NRXN3: variants seen among roughly 807,000 people sequenced by gnomAD.
The protein encoded by NRXN3 is neurexin 3, also known as neurexin III.
A neutral mutation model predicts 137.6 loss-of-function variants in NRXN3; 32 were observed. That is an observed-to-expected ratio of 0.23 (90% confidence interval 0.18 to 0.31). NRXN3 has a LOEUF of 0.31. NRXN3 is among the 10% of genes least tolerant of loss of function. NRXN3 has a pLI of 1.00. For synonymous variants in NRXN3, 798 were observed against 784.5 expected, an observed-to-expected ratio of 1.02 and a Z score of -0.29; for missense variants, 1,574 against 2,062.5, an observed-to-expected ratio of 0.76 and a Z score of 4.59.
At chr14:79,419,188 A>C (rs2095540398) in intron 15 of NRXN3, among the ~76,000 whole-genome samples, 1 of 152,212 alleles carries the variant, frequency 6.6e-6, no homozygotes. Flanking sequence ...AAGTTCTTTC[A>C]TTGAGATAAA....
At chr14:78,822,133 T>C (rs1241286917) in intron 10 of NRXN3, among the ~76,000 whole-genome samples, 3 of 152,162 alleles carry the variant, frequency 2.0e-5, no homozygotes, top group Non-Finnish European at 4.4e-5. Flanking sequence ...TTCTCCTTTG[T>C]CACAGCAAAA....
intron 4 of NRXN3, among the ~76,000 whole-genome samples, chr14:78,631,078 G>A (rs1462753778): frequency 6.6e-6 from 1 of 152,124 alleles, no homozygotes; most frequent in African/African-American, 2.4e-5. Flanking sequence ...ATTATAGTTG[G>A]TGTGGTCAAC....
chr14:79,114,563 G>A (rs1408783513), intron 15 of NRXN3, among the ~76,000 whole-genome samples: 2 of 152,064 alleles, frequency 1.3e-5, no homozygotes, highest in Non-Finnish European at 2.9e-5. Flanking sequence ...ACTATATTAG[G>A]TTTTGTGTAT....
At chr14:79,129,980 A>G (rs1568375080) in intron 15 of NRXN3, among the ~76,000 whole-genome samples, 7 of 151,334 alleles carry the variant, frequency 4.6e-5, no homozygotes, top group African/African-American at 2.4e-5. Context: ...AGTCTGTTTT[A>G]TCAGAGACTA....
chr14:78,244,887 G>C (rs906270856), intron 2 of NRXN3, among the ~76,000 whole-genome samples: 3 of 152,210 alleles, frequency 2.0e-5, no homozygotes, highest in South Asian at 4.1e-4. Context: ...GGGAGAAGCA[G>C]GGAGGCACAG....
intron 4 of NRXN3, among the ~76,000 whole-genome samples, chr14:78,346,062 T>C (rs1005240134): frequency 6.6e-6 from 1 of 152,154 alleles, no homozygotes; most frequent in Admixed American, 6.5e-5. Context: ...GGAAAGGCCA[T>C]GGGTGCTGGC....
intron 15 of NRXN3, among the ~76,000 whole-genome samples, chr14:79,112,481 CTT>C (rs747050013): frequency 2.2e-4 from 34 of 152,158 alleles, no homozygotes; most frequent in Non-Finnish European, 4.7e-4. Flanking sequence ...TGGCAGAGTT[CTT>C]TGTTATGTGT....
chr14:78,823,057 A>G (rs567944813), intron 10 of NRXN3, among the ~76,000 whole-genome samples: 19 of 152,298 alleles, frequency 1.2e-4, no homozygotes, highest in African/African-American at 4.6e-4. Context: ...GGCATTGTCT[A>G]TTTCAGTGAC....
intron 15 of NRXN3, among the ~76,000 whole-genome samples, chr14:79,317,239 G>GA (rs533698477): frequency 2.5e-3 from 370 of 150,700 alleles, no homozygotes; most frequent in Non-Finnish European, 4.0e-3. Context: ...TCTCAAAAAA[G>GA]AAAAAAAAAG....
intron 4 of NRXN3, among the ~76,000 whole-genome samples, chr14:78,534,332 A>T (rs2096508874): frequency 6.6e-6 from 1 of 152,220 alleles, no homozygotes; most frequent in Admixed American, 6.5e-5. Flanking sequence ...AAATGCTGTC[A>T]GTTGTAAGGA....
chr14:79,047,623 A>G lies in NRXN3; in HGVS notation c.3262+59482A>G, dbSNP rs2152559038. ...TGCAAATCAAAAATAAACACAAACA[A>G]TAAAAATAGGCACTTTATAAAAAAG... On this transcript the variant is annotated intron_variant, in intron 15 of 20. Transcript: ENST00000335750. 2.0e-5 allele frequency among the ~76,000 whole-genome samples: 3 copies of G among 152,310 alleles called. No individual in the cohort carries two copies. The South Asian group carries it at 6.2e-4, about 32-fold the overall frequency.
chr14:79,087,554 ACTT>A (rs1364828296), intron 15 of NRXN3, among the ~76,000 whole-genome samples: 3 of 152,186 alleles, frequency 2.0e-5, no homozygotes, highest in African/African-American at 7.2e-5. Context: ...AATAGGGAAA[ACTT>A]CTTGGTAGTG....
chr14:78,470,744 A>T (rs1004379212), intron 4 of NRXN3, among the ~76,000 whole-genome samples: 1 of 152,232 alleles, frequency 6.6e-6, no homozygotes, highest in Non-Finnish European at 1.5e-5. Flanking sequence ...ATATGGTTTC[A>T]TCTATGACAA....
At chr14:79,316,479 TGTTA>T (rs1391448007) in intron 15 of NRXN3, among the ~76,000 whole-genome samples, 5 of 152,314 alleles carry the variant, frequency 3.3e-5, no homozygotes, top group African/African-American at 7.2e-5. Context: ...GGCATTGACC[TGTTA>T]GTTGTTGAAT....
intron 15 of NRXN3, among the ~76,000 whole-genome samples, chr14:79,097,430 C>T (rs1354167302): frequency 1.3e-5 from 2 of 152,122 alleles, no homozygotes; most frequent in Non-Finnish European, 2.9e-5. Flanking sequence ...TAGTATCCTG[C>T]TGTGCACCAT....
At chr14:78,700,882 C>T (rs1348650734) in intron 6 of NRXN3, among the ~76,000 whole-genome samples, 5 of 152,096 alleles carry the variant, frequency 3.3e-5, no homozygotes, top group African/African-American at 1.2e-4. Context: ...AGCGATTCTC[C>T]TGCTTCAGCC....
chr14:79,045,682 A>C (rs1026434401), intron 15 of NRXN3, among the ~76,000 whole-genome samples: 1 of 152,220 alleles, frequency 6.6e-6, no homozygotes, highest in Admixed American at 6.5e-5. Flanking sequence ...TCAGAGAATT[A>C]TGAAGGTGCC....
At chr14:79,412,404 T>G (rs1299929513) in intron 15 of NRXN3, among the ~76,000 whole-genome samples, 1 of 152,014 alleles carries the variant, frequency 6.6e-6, no homozygotes, top group Non-Finnish European at 1.5e-5. Flanking sequence ...AGAAGCTATG[T>G]TTGTCATAGG....
At chr14:79,163,974 A>G (rs2061048577) in intron 15 of NRXN3, among the ~76,000 whole-genome samples, 1 of 152,024 alleles carries the variant, frequency 6.6e-6, no homozygotes, top group African/African-American at 2.4e-5. Context: ...AACTTGTTCA[A>G]CCAAGATTCC....
Sources: gnomAD v4.1 joint callset for allele counts (sites outside exome capture counted in the v4.1 genomes callset) on GRCh38, gnomAD v4.1.1 for gene constraint, MANE v1.5 for transcripts, NCBI Gene and HGNC (gene_info 2026-07-23, HGNC 2026-07-21) for gene names.